CHLSN: variants seen among roughly 807,000 people sequenced by gnomAD.
CHLSN encodes cholesin, also known as protein cholesin.
At chr7:1,122,576 C>A in the CHLSN span, among the ~76,000 whole-genome samples, 10 of 152,300 alleles carry the variant, frequency 6.6e-5, no homozygotes, top group Non-Finnish European at 1.5e-4. Context: ...AGTCACATGA[C>A]CTCCCACCAT....
the CHLSN span, among the ~76,000 whole-genome samples, chr7:1,039,066 T>G: frequency 5.4e-5 from 3 of 55,604 alleles, no homozygotes; most frequent in African/African-American, 6.9e-5. Context: ...GTGGGGGGGG[T>G]CAGCCCCCCT....
chr7:1,064,101 CAT>C, the CHLSN span, among the ~76,000 whole-genome samples: 5 of 105,822 alleles, frequency 4.7e-5, no homozygotes, highest in Non-Finnish European at 8.4e-5. Context: ...TACACACACA[CAT>C]ACATGCGTGC....
At chr7:990,631 T>C in the CHLSN span, among the ~76,000 whole-genome samples, 71 of 152,008 alleles carry the variant, frequency 4.7e-4, 1 homozygote, top group African/African-American at 1.7e-3. Context: ...GGGCTGCTGC[T>C]ACGGAGGCTG....
At chr7:1,030,819 C>G in the CHLSN span, among the ~76,000 whole-genome samples, 1 of 152,160 alleles carries the variant, frequency 6.6e-6, no homozygotes, top group African/African-American at 2.4e-5. Flanking sequence ...GGGGCTCTCT[C>G]TGGGCAGGTG....
the CHLSN span, among the ~76,000 whole-genome samples, chr7:1,066,942 C>T: frequency 5.3e-5 from 7 of 131,132 alleles, no homozygotes; most frequent in African/African-American, 2.1e-4. Context: ...GGGTTTGGGG[C>T]ACAGTCTGTT....
At chr7:1,044,284 A>C in the CHLSN span, among the ~76,000 whole-genome samples, 8 of 152,246 alleles carry the variant, frequency 5.3e-5, no homozygotes, top group Non-Finnish European at 1.2e-4. Context: ...CGCGCTGGGC[A>C]CTAAGAGAAT....
chr7:985,601 C>T, the CHLSN span, among the ~76,000 whole-genome samples: 4 of 152,138 alleles, frequency 2.6e-5, no homozygotes, highest in African/African-American at 9.7e-5. Context: ...AGGTGGGAGG[C>T]AGGCATGGCT....
chr7:1,137,026 A>C, the CHLSN span, among the ~76,000 whole-genome samples: 8 of 151,936 alleles, frequency 5.3e-5, no homozygotes, highest in Non-Finnish European at 1.5e-5. Flanking sequence ...ATGGTGTGTC[A>C]CCTCCACTCA....
At chr7:987,500 A>T in the CHLSN span, 2 of 1,543,566 alleles carry the variant, frequency 1.3e-6, no homozygotes, top group Non-Finnish European at 1.7e-6. Flanking sequence ...ACCGCGGCCG[A>T]CACACAGCTG....
chr7:985,096 A>G, the CHLSN span: 1 of 1,611,882 alleles, frequency 6.2e-7, no homozygotes, highest in Non-Finnish European at 8.5e-7. Context: ...GGATGGCTAC[A>G]GAGGTGAGCA....
the CHLSN span, among the ~76,000 whole-genome samples, chr7:992,325 C>T: frequency 1.3e-5 from 2 of 152,218 alleles, no homozygotes; most frequent in Non-Finnish European, 2.9e-5. Flanking sequence ...TAAGTCAAGG[C>T]AAAACAAAAC....
chr7:1,070,832 T>C, the CHLSN span, among the ~76,000 whole-genome samples: 1 of 70,870 alleles, frequency 1.4e-5, no homozygotes, highest in South Asian at 4.0e-4. Context: ...TGCACACATA[T>C]ACACACAACG....
chr7:1,135,713 C>T, the CHLSN span, among the ~76,000 whole-genome samples: 6 of 148,844 alleles, frequency 4.0e-5, no homozygotes, highest in Non-Finnish European at 5.9e-5. Flanking sequence ...TGCAGTGAGC[C>T]GAGATCGCGC....
At chr7:1,092,609 G>A in the CHLSN span, 1 of 1,611,948 alleles carries the variant, frequency 6.2e-7, no homozygotes, top group South Asian at 1.1e-5. Context: ...GCCGCTCCCT[G>A]CAAGCAGTCT....
the CHLSN span, among the ~76,000 whole-genome samples, chr7:1,052,252 G>A: frequency 6.6e-6 from 1 of 152,238 alleles, no homozygotes; most frequent in South Asian, 2.1e-4. The surrounding 1 kb of genome is among the most constrained non-coding windows in gnomAD (Gnocchi z 4.2). Context: ...GTCGAGGCGT[G>A]CCCTCCTGAG....
the CHLSN span, among the ~76,000 whole-genome samples, chr7:1,079,412 TG>T: frequency 6.6e-6 from 1 of 152,318 alleles, no homozygotes; most frequent in Admixed American, 6.5e-5. Flanking sequence ...TGAACCATCC[TG>T]GGATGGTATG....
At chr7:1,042,508 G>A in the CHLSN span, among the ~76,000 whole-genome samples, 4 of 152,190 alleles carry the variant, frequency 2.6e-5, no homozygotes, top group Non-Finnish European at 2.9e-5. Flanking sequence ...CTCCAGCTAC[G>A]AGTACTTATT....
the CHLSN span, among the ~76,000 whole-genome samples, chr7:1,081,370 G>A: frequency 1.3e-5 from 2 of 152,374 alleles, no homozygotes; most frequent in South Asian, 4.1e-4. Flanking sequence ...GGGGGAAGGG[G>A]AACCTGTCTG....
the CHLSN span, among the ~76,000 whole-genome samples, chr7:1,047,646 G>A: frequency 6.6e-6 from 1 of 152,382 alleles, no homozygotes; most frequent in South Asian, 2.1e-4. Context: ...CCAAGGTTGA[G>A]CGTCTCATGG....
Sources: allele counts gnomAD v4.1 joint callset (sites outside exome capture counted in the v4.1 genomes callset), GRCh38; gene constraint gnomAD v4.1.1; non-coding constraint Gnocchi (gnomAD v3.1); transcripts MANE v1.5; gene names NCBI Gene and HGNC (gene_info 2026-07-23, HGNC 2026-07-21).